AASDHPPT: variants seen among roughly 807,000 people sequenced by gnomAD.
AASDHPPT encodes aminoadipate-semialdehyde dehydrogenase-phosphopantetheinyl transferase.
Under a neutral mutation model 36.4 loss-of-function variants are expected in AASDHPPT, and 23 were observed. That is an observed-to-expected ratio of 0.63 (90% CI 0.45 to 0.89). The LOEUF (loss-of-function observed/expected upper bound fraction) is 0.89. Ranked by LOEUF, AASDHPPT falls within the 40% of genes least tolerant of loss-of-function variation. The probability of loss-of-function intolerance (pLI) is 0.00; values close to 1 mark genes in which losing one functional copy is unlikely to be tolerated. For missense variants in AASDHPPT, 377 were observed against 378.2 expected (o/e 1.00, Z 0.03); for synonymous variants, 115 against 128.0 (o/e 0.90, Z 0.68).
rs1163725354 is a variant in AASDHPPT, at chr11:106,090,678, G to A, written c.531G>A (p.Trp177Ter). ...AGCTGGATATGTTTTATAGGAATTGGGTATAATTCTTTCTAATTTTGAAAG... is the reference window on the plus strand; with the variant it reads ...AGCTGGATATGTTTTATAGGAATTGAGTATAATTCTTTCTAATTTTGAAAG... ...WTQLDMFYRN[W>*]ALKESFIKAI... Residue 177 changes from tryptophan (W) to a stop codon, truncating the protein, a stop_gained and splice_region_variant, in exon 3 of 6, where the codon TGG (tryptophan) becomes TGA (stop). Coordinates refer to ENST00000278618, the MANE Select transcript of AASDHPPT (RefSeq NM_015423.3). LOFTEE classifies it high-confidence loss of function. 2 of 1,573,076 alleles carry A rather than the reference G, an allele frequency of 1.3e-6. No individual in the cohort carries two copies. Among genetic ancestry groups the A allele is most frequent in the Non-Finnish European group, 1.7e-6 (2 of 1,164,240 alleles).
chr11:106,084,412 A>G (rs535380962), intron 2 of AASDHPPT, among the ~76,000 whole-genome samples: 5 of 152,266 alleles, frequency 3.3e-5, no homozygotes, highest in East Asian at 1.9e-4. Context: ...ATTAGCTGTA[A>G]TAAAAGAATT....
intron 2 of AASDHPPT, among the ~76,000 whole-genome samples, chr11:106,083,607 T>C (rs1410280024): frequency 6.6e-6 from 1 of 152,124 alleles, no homozygotes; most frequent in African/African-American, 2.4e-5. Context: ...AAAAAGAGTA[T>C]GGTACTAGCG....
rs750145985 is a variant in AASDHPPT at position 106,077,880 on chromosome 11, C to T, written c.170C>T (p.Ala57Val). The change falls in exon 1 of 6, where the codon GCT becomes GTT. Residue 57 changes from alanine to valine, a missense_variant. Coordinates refer to ENST00000278618, the MANE Select transcript of AASDHPPT (RefSeq NM_015423.3). ...RIGQFVFARD[A>V]KAAMAGRLMI... ...GGCCAGTTCGTCTTTGCCCGGGACG[C>T]TAAGGCAGCCATGGTACTACAGGTC... The T allele has an allele frequency of 2.5e-6, 4 of 1,614,140 alleles. No homozygotes were observed. In the Admixed American group the frequency reaches 5.0e-5, roughly 20 times the overall value.
rs1861330133 is a variant in AASDHPPT at position 106,097,638 on chromosome 11, G to T, written c.*731G>T. 2 of 152,080 alleles carry T rather than the reference G, an allele frequency of 1.3e-5. No homozygotes were observed. Among genetic ancestry groups the T allele is most frequent in the Admixed American group, 1.3e-4 (2 of 15,258 alleles). 9.4% of individuals were successfully genotyped at this position (152,080 alleles called of 1,614,324 possible). Reference sequence around the variant, plus strand: ...TCCAGTTTTACATCTTTGTAAAATTGTATCTCAAAGGCAGAAAAGGCCATT... The same window carrying T: ...TCCAGTTTTACATCTTTGTAAAATTTTATCTCAAAGGCAGAAAAGGCCATT... On this transcript the variant is annotated 3_prime_UTR_variant, in exon 6 of 6. Coordinates refer to ENST00000278618, the MANE Select transcript of AASDHPPT (RefSeq NM_015423.3).
Position 106,097,857 on chromosome 11 carries a change from T to A in AASDHPPT, c.*950T>A, listed in dbSNP as rs1175190990. 6.6e-6 allele frequency: 1 copy of A among 152,144 alleles called. No homozygotes were observed. Among genetic ancestry groups the A allele is most frequent in the Non-Finnish European group, 1.5e-5 (1 of 68,000 alleles). 9.4% of individuals were successfully genotyped at this position (152,144 alleles called of 1,614,324 possible). The stretch of plus-strand genomic sequence containing the variant: ...GTGAAGAATGGAATTGGAAGCCCAC[T>A]GCCTTCCCATAAGAAAGGTTTACCA... On this transcript the variant is annotated 3_prime_UTR_variant, in exon 6 of 6. Transcript: ENST00000278618.
chr11:106,087,482 G>A (rs145423207), intron 2 of AASDHPPT, among the ~76,000 whole-genome samples: 3 of 152,210 alleles, frequency 2.0e-5, no homozygotes, highest in East Asian at 1.9e-4. Flanking sequence ...AAGCAAGCAC[G>A]TAGATGGGCA....
In AASDHPPT at chr11:106,091,306, T is replaced by G; in HGVS notation, c.532-10T>G. 1 of 1,574,942 alleles carries G rather than the reference T, an allele frequency of 6.3e-7. No individual in the cohort carries two copies. The highest frequency in any genetic ancestry group is 1.2e-5 in the South Asian group (1 of 84,282). On this transcript the variant is annotated splice_polypyrimidine_tract_variant and intron_variant, in intron 3 of 5. Transcript: ENST00000278618. The stretch of plus-strand genomic sequence containing the variant: ...CAAATTCTAAGAGAAAATGTCTTTC[T>G]GTATCTTAGGCACTTAAGGAAAGCT...
rs1422539173 is a variant in AASDHPPT, at chr11:106,090,491, A to G, written c.410-66A>G. 5 of 1,337,436 alleles carry G rather than the reference A, an allele frequency of 3.7e-6. No individual in the cohort carries two copies. The African/African-American group carries it at 7.5e-5, about 20-fold the overall frequency. 82.8% of individuals were successfully genotyped at this position (1,337,436 alleles called of 1,614,324 possible). The stretch of plus-strand genomic sequence containing the variant: ...GGGGGGTGCTGTCTTGAACAGTTTT[A>G]GTAATAGAGCAACTTTTTATTTTTT... On this transcript the variant is annotated intron_variant, in intron 2 of 5. Coordinates refer to ENST00000278618, the MANE Select transcript of AASDHPPT (RefSeq NM_015423.3).
At chr11:106,079,329 C>A in intron 1 of AASDHPPT, 138 bp from the exon 2 acceptor site, 1 of 667,850 alleles carries the variant, frequency 1.5e-6, no homozygotes, top group Non-Finnish European at 2.4e-6. Flanking sequence ...TCTTAATTAA[C>A]GTGTGTTTAA....
chr11:106,090,914 C>T (rs1307521220), intron 3 of AASDHPPT, among the ~76,000 whole-genome samples: 2 of 151,932 alleles, frequency 1.3e-5, no homozygotes, highest in African/African-American at 2.4e-5. Flanking sequence ...AAAGCTAAAA[C>T]AAATCATTAC....
intron 2 of AASDHPPT, chr11:106,085,986 T>C (rs993317027): frequency 6.6e-6 from 1 of 152,202 alleles, no homozygotes; most frequent in African/African-American, 2.4e-5. Context: ...GGATCCTCAA[T>C]CTCTAGCTAA....
intron 2 of AASDHPPT, among the ~76,000 whole-genome samples, chr11:106,081,105 C>A (rs926972045): frequency 6.6e-6 from 1 of 152,178 alleles, no homozygotes; most frequent in Non-Finnish European, 1.5e-5. Context: ...TAGTACCTTG[C>A]CTAGCATGTA....
rs938806217 is a variant in AASDHPPT, at chr11:106,097,015, A to G, written c.*108A>G. 5 of 1,180,174 alleles carry G rather than the reference A, an allele frequency of 4.2e-6. No homozygotes were observed. The African/African-American group carries it at 8.1e-5, about 19-fold the overall frequency. 73.1% of individuals were successfully genotyped at this position (1,180,174 alleles called of 1,614,324 possible). Reference sequence around the variant, plus strand: ...AATTTTATTTCACGAAAGTTTTTTTAAAGAACAGAAACTTTTCCAATTAAA... The same window carrying G: ...AATTTTATTTCACGAAAGTTTTTTTGAAGAACAGAAACTTTTCCAATTAAA... On this transcript the variant is annotated 3_prime_UTR_variant, in exon 6 of 6. Coordinates refer to ENST00000278618, the MANE Select transcript of AASDHPPT (RefSeq NM_015423.3).
At position 106,094,627 on chromosome 11, in the gene AASDHPPT, GA is replaced by G; in HGVS notation, c.741del (p.Lys247AsnfsTer31). ...ACCATTTTGTTGCAGTTGCTCTTAG[GA>G]AACCCGATGGATCTAGACATCAGGA... ...EHHFVAVALR[K>X]PDGSRHQDVP... On this transcript the variant is annotated frameshift_variant, in exon 5 of 6. Coordinates refer to ENST00000278618, the MANE Select transcript of AASDHPPT (RefSeq NM_015423.3). LOFTEE classifies it high-confidence loss of function. 2 of 1,605,464 alleles carry G rather than the reference GA, an allele frequency of 1.2e-6. No homozygotes were observed. The highest frequency in any genetic ancestry group is 1.7e-6 in the Non-Finnish European group (2 of 1,175,786).
chr11:106,094,502 T>C, intron 4 of AASDHPPT, 81 bp from the exon 5 acceptor site: 3 of 1,018,604 alleles, frequency 2.9e-6, no homozygotes, highest in Non-Finnish European at 4.3e-6. Flanking sequence ...AGAGAGAGAA[T>C]GAGATTTAGA....
chr11:106,095,353 T>G (rs1160277761), intron 5 of AASDHPPT, among the ~76,000 whole-genome samples: 1 of 152,166 alleles, frequency 6.6e-6, no homozygotes, highest in African/African-American at 2.4e-5. Flanking sequence ...TTGAATCCAC[T>G]CCTCCTTTTA....
chr11:106,081,805 C>G (rs950482373), intron 2 of AASDHPPT, among the ~76,000 whole-genome samples: 1 of 149,146 alleles, frequency 6.7e-6, no homozygotes, highest in Non-Finnish European at 1.5e-5. Flanking sequence ...GGGAATTGAA[C>G]AATGAGAACA....
intron 1 of AASDHPPT, 60 bp downstream of exon 1, chr11:106,077,953 C>G: frequency 1.3e-6 from 2 of 1,557,974 alleles, no homozygotes; most frequent in Non-Finnish European, 1.7e-6. Context: ...GGAGGCGGGC[C>G]GGGCTGTGGA....
At chr11:106,083,101 C>T (rs1175171866) in intron 2 of AASDHPPT, among the ~76,000 whole-genome samples, 1 of 151,972 alleles carries the variant, frequency 6.6e-6, no homozygotes, top group Non-Finnish European at 1.5e-5. Flanking sequence ...ACTCACACAT[C>T]ACTTTGTACT....
Sources: allele counts gnomAD v4.1 joint callset (sites outside exome capture counted in the v4.1 genomes callset), GRCh38; gene constraint gnomAD v4.1.1; transcripts MANE v1.5; gene names NCBI Gene and HGNC (gene_info 2026-07-23, HGNC 2026-07-21).